CACNA2D1: variants seen among roughly 807,000 people sequenced by gnomAD.
CACNA2D1 encodes the protein voltage-dependent calcium channel subunit alpha-2/delta-1.
CACNA2D1 carries 53 observed loss-of-function variants against 171.5 expected under a neutral mutation model. The observed-to-expected ratio is 0.31, with a 90% confidence interval of 0.25 to 0.39. The LOEUF (loss-of-function observed/expected upper bound fraction) is 0.39. CACNA2D1 is among the 10% of genes least tolerant of loss of function. The pLI is 1.00. For synonymous variants in CACNA2D1, 442 were observed against 443.1 expected, an observed-to-expected ratio of 1.00 and a Z score of 0.03; for missense variants, 903 against 1,299.8, an observed-to-expected ratio of 0.69 and a Z score of 4.69.
intron 10 of CACNA2D1, among the ~76,000 whole-genome samples, chr7:82,053,408 AATT>A (rs2131325887): frequency 8.5e-6 from 1 of 118,192 alleles, no homozygotes; most frequent in Admixed American, 7.8e-5. Flanking sequence ...AATCACTTAA[AATT>A]ATTTAGTGAG....
intron 10 of CACNA2D1, among the ~76,000 whole-genome samples, chr7:82,049,644 T>C (rs1049899889): frequency 6.6e-6 from 1 of 152,198 alleles, no homozygotes; most frequent in African/African-American, 2.4e-5. Context: ...ACTTTCCAAA[T>C]GCAGATGTTC....
At chr7:82,347,053 C>A (rs1819338912) in intron 2 of CACNA2D1, among the ~76,000 whole-genome samples, 1 of 152,012 alleles carries the variant, frequency 6.6e-6, no homozygotes, top group African/African-American at 2.4e-5. Context: ...ATGGAATAAT[C>A]CAATAAGAGA....
At chr7:82,389,734 A>G (rs74413028) in intron 1 of CACNA2D1, among the ~76,000 whole-genome samples, 2,008 of 152,266 alleles carry the variant, frequency 0.013, 54 homozygotes, top group African/African-American at 0.045. Flanking sequence ...ACTGTATTTA[A>G]TTTCCTGGGT....
At chr7:82,265,899 G>C (rs1468758968) in intron 3 of CACNA2D1, among the ~76,000 whole-genome samples, 1 of 151,824 alleles carries the variant, frequency 6.6e-6, no homozygotes, top group South Asian at 2.1e-4. Context: ...TTATTTTATT[G>C]GTCTAATCTC....
At chr7:82,063,591 G>T (rs116921870) in intron 9 of CACNA2D1, among the ~76,000 whole-genome samples, 1 of 150,548 alleles carries the variant, frequency 6.6e-6, no homozygotes, top group Admixed American at 6.6e-5. Flanking sequence ...AAAAACATGA[G>T]CATTTCTTCT....
intron 3 of CACNA2D1, among the ~76,000 whole-genome samples, chr7:82,202,072 C>T (rs1178204697): frequency 6.6e-6 from 1 of 152,174 alleles, no homozygotes; most frequent in East Asian, 1.9e-4. Flanking sequence ...AGTGCGGGCA[C>T]ACAATTCCAC....
intron 6 of CACNA2D1, among the ~76,000 whole-genome samples, chr7:82,087,879 A>C (rs2129014999): frequency 6.6e-6 from 1 of 152,286 alleles, no homozygotes; most frequent in East Asian, 1.9e-4. Context: ...ATATAACACT[A>C]AATGCACAAT....
intron 3 of CACNA2D1, among the ~76,000 whole-genome samples, chr7:82,222,581 T>C (rs904606959): frequency 2.0e-5 from 3 of 152,168 alleles, no homozygotes; most frequent in Admixed American, 2.0e-4. Context: ...CTATCACGAA[T>C]GCTTTCTCCT....
At chr7:82,135,347 C>A (rs1156435126) in intron 5 of CACNA2D1, among the ~76,000 whole-genome samples, 1 of 151,874 alleles carries the variant, frequency 6.6e-6, no homozygotes. Flanking sequence ...ATTTTGATAT[C>A]AATAAACCAT....
At chr7:81,957,345 G>T (rs1239069581) in intron 38 of CACNA2D1, among the ~76,000 whole-genome samples, 1 of 152,100 alleles carries the variant, frequency 6.6e-6, no homozygotes, top group Admixed American at 6.6e-5. Flanking sequence ...TTGGTCCTGA[G>T]ATTTTAATAA....
At chr7:82,145,850 T>C (rs1792974602) in intron 4 of CACNA2D1, among the ~76,000 whole-genome samples, 1 of 151,244 alleles carries the variant, frequency 6.6e-6, no homozygotes. Context: ...CATTAAAATA[T>C]AAATTTAAAA....
At chr7:82,346,287 C>G (rs1819244125) in intron 2 of CACNA2D1, among the ~76,000 whole-genome samples, 1 of 152,170 alleles carries the variant, frequency 6.6e-6, no homozygotes, top group Admixed American at 6.6e-5. Flanking sequence ...GCCTGTACCC[C>G]AGCTTATACA....
chr7:82,054,064 AT>A (rs534041753), intron 10 of CACNA2D1, among the ~76,000 whole-genome samples: 14 of 151,952 alleles, frequency 9.2e-5, no homozygotes, highest in Non-Finnish European at 1.5e-4. Context: ...TTAACAACAT[AT>A]TTTTTTTAGG....
chr7:82,012,462 A>G (rs956335049), intron 14 of CACNA2D1, among the ~76,000 whole-genome samples: 2 of 152,140 alleles, frequency 1.3e-5, no homozygotes, highest in Non-Finnish European at 2.9e-5. Context: ...TATTTATACA[A>G]TATATCTACC....
At chr7:82,427,074 A>G (rs929072275) in intron 1 of CACNA2D1, among the ~76,000 whole-genome samples, 2 of 152,224 alleles carry the variant, frequency 1.3e-5, no homozygotes, top group Non-Finnish European at 2.9e-5. Flanking sequence ...ACGCAGTTTC[A>G]GGCATCCACT....
intron 20 of CACNA2D1, among the ~76,000 whole-genome samples, chr7:81,992,924 A>G (rs1289408515): frequency 6.6e-6 from 1 of 152,182 alleles, no homozygotes; most frequent in Non-Finnish European, 1.5e-5. Context: ...TTATAAACAA[A>G]GGACTGTTGA....
At chr7:82,173,566 A>C (rs2129154143) in intron 3 of CACNA2D1, among the ~76,000 whole-genome samples, 1 of 152,144 alleles carries the variant, frequency 6.6e-6, no homozygotes, top group South Asian at 2.1e-4. Context: ...TTAGAGACTT[A>C]GTCTATCTCG....
At chr7:82,375,473 T>C (rs897361266) in intron 1 of CACNA2D1, among the ~76,000 whole-genome samples, 8 of 151,868 alleles carry the variant, frequency 5.3e-5, no homozygotes, top group African/African-American at 1.7e-4. Context: ...AAATGGGGAG[T>C]GTGTGTCCAG....
At chr7:82,433,548 A>G (rs1356776884) in intron 1 of CACNA2D1, among the ~76,000 whole-genome samples, 1 of 152,192 alleles carries the variant, frequency 6.6e-6, no homozygotes, top group Non-Finnish European at 1.5e-5. Context: ...AGGCTGTTTC[A>G]TATTTCAAAA....
Sources: gnomAD v4.1 joint callset for allele counts (sites outside exome capture counted in the v4.1 genomes callset) on GRCh38, gnomAD v4.1.1 for gene constraint, MANE v1.5 for transcripts, NCBI Gene and HGNC (gene_info 2026-07-23, HGNC 2026-07-21) for gene names.